Variants in AGBL1 observed in about 807,000 individuals in gnomAD.
AGBL1 encodes the protein AGBL carboxypeptidase 1, also known as cytosolic carboxypeptidase 4.
A neutral mutation model predicts 118.9 loss-of-function variants in AGBL1; 130 were observed. The observed-to-expected ratio is 1.09, with a 90% CI of 0.95 to 1.26. AGBL1 has a LOEUF of 1.26. Among genes scored for constraint, AGBL1 ranks in the 50% most tolerant of loss-of-function variants. The probability of loss-of-function intolerance (pLI) is 0.00; values close to 1 mark genes in which losing one functional copy is unlikely to be tolerated. For synonymous variants in AGBL1, 555 were observed against 478.9 expected, an observed-to-expected ratio of 1.16 and a Z score of -2.08; for missense variants, 1,584 against 1,298.1, an observed-to-expected ratio of 1.22 and a Z score of -3.38.
At chr15:86,877,362 T>G (rs1401225734) in intron 22 of AGBL1, among the ~76,000 whole-genome samples, 1 of 152,194 alleles carries the variant, frequency 6.6e-6, no homozygotes, top group African/African-American at 2.4e-5. Flanking sequence ...CTAAACAGTG[T>G]GTCACTAGTC....
At chr15:86,318,334 C>T (rs1048870625) in intron 17 of AGBL1, among the ~76,000 whole-genome samples, 3 of 152,124 alleles carry the variant, frequency 2.0e-5, no homozygotes, top group African/African-American at 7.2e-5. Context: ...CATTATCCTT[C>T]TCTTCTCTTC....
chr15:86,220,551 G>A (rs748410488), intron 5 of AGBL1, among the ~76,000 whole-genome samples: 12 of 152,134 alleles, frequency 7.9e-5, no homozygotes, highest in African/African-American at 1.7e-4. Context: ...AAATCTTAAC[G>A]AGAGGATATT....
intron 5 of AGBL1, among the ~76,000 whole-genome samples, chr15:86,224,139 A>C (rs1040321664): frequency 6.6e-6 from 1 of 152,218 alleles, no homozygotes; most frequent in African/African-American, 2.4e-5. Flanking sequence ...AGAATCTTCT[A>C]TTTTTTTAAA....
chr15:86,170,938 G>C (rs1318399148), intron 5 of AGBL1, among the ~76,000 whole-genome samples: 1 of 151,756 alleles, frequency 6.6e-6, no homozygotes, highest in African/African-American at 2.4e-5. Context: ...GATGCATTAT[G>C]TACACAGAAA....
intron 22 of AGBL1, among the ~76,000 whole-genome samples, chr15:86,841,468 T>A (rs762890720): frequency 9.2e-5 from 14 of 152,220 alleles, no homozygotes; most frequent in Non-Finnish European, 1.5e-4. Flanking sequence ...GAATGTTTTT[T>A]AATTTATTTT....
chr15:86,418,978 T>C (rs564178860), intron 18 of AGBL1, among the ~76,000 whole-genome samples: 1 of 152,320 alleles, frequency 6.6e-6, no homozygotes, highest in Admixed American at 6.5e-5. Context: ...ATTGACTTAA[T>C]GCTCTGTAGT....
At chr15:86,884,110 C>T (rs2079935280) in intron 22 of AGBL1, among the ~76,000 whole-genome samples, 1 of 152,150 alleles carries the variant, frequency 6.6e-6, no homozygotes. Context: ...ACCTTTTGAC[C>T]TTACTACTAC....
intron 22 of AGBL1, among the ~76,000 whole-genome samples, chr15:86,796,750 T>C (rs1391220494): frequency 6.6e-6 from 1 of 152,234 alleles, no homozygotes; most frequent in Non-Finnish European, 1.5e-5. Flanking sequence ...GTAGCTGCTT[T>C]TGCTCTACAA....
chr15:86,209,544 A>G (rs752917888), intron 5 of AGBL1, among the ~76,000 whole-genome samples: 3 of 151,322 alleles, frequency 2.0e-5, no homozygotes, highest in South Asian at 2.1e-4. Flanking sequence ...CTCTTCTTGT[A>G]TTGATCCCTT....
intron 22 of AGBL1, among the ~76,000 whole-genome samples, chr15:86,874,220 G>T (rs543017945): frequency 6.6e-6 from 1 of 151,964 alleles, no homozygotes; most frequent in Non-Finnish European, 1.5e-5. Context: ...ATTCCACAGG[G>T]CATGGTAACT....
chr15:86,859,171 A>G (rs1296425791), intron 22 of AGBL1, among the ~76,000 whole-genome samples: 2 of 152,200 alleles, frequency 1.3e-5, no homozygotes, highest in African/African-American at 4.8e-5. Flanking sequence ...CAGAGGAACT[A>G]ATATATGAGT....
intron 17 of AGBL1, among the ~76,000 whole-genome samples, chr15:86,319,763 T>G (rs1321066384): frequency 1.7e-3 from 222 of 127,954 alleles, no homozygotes; most frequent in African/African-American, 6.4e-3. Flanking sequence ...TTTTTTTTTT[T>G]TTTTTTTTTT....
chr15:86,644,314 C>A (rs967599006), intron 21 of AGBL1, among the ~76,000 whole-genome samples: 1 of 152,020 alleles, frequency 6.6e-6, no homozygotes, highest in African/African-American at 2.4e-5. Context: ...AAGAGGATTG[C>A]TTGAGGCCAG....
intron 21 of AGBL1, among the ~76,000 whole-genome samples, chr15:86,667,905 T>G (rs143754155): frequency 6.6e-6 from 1 of 152,334 alleles, no homozygotes; most frequent in Non-Finnish European, 1.5e-5. Context: ...AGAGGTTTAT[T>G]TGGCTTACAG....
At chr15:86,526,176 G>C (rs1072288) in intron 19 of AGBL1, among the ~76,000 whole-genome samples, 70,295 of 151,858 alleles carry the variant, frequency 0.46, 16,934 homozygotes, top group East Asian at 0.69. Context: ...ACCACTTTAC[G>C]CCAGTAAGAA....
At chr15:86,402,606 C>T (rs1596071217) in intron 18 of AGBL1, among the ~76,000 whole-genome samples, 1 of 152,134 alleles carries the variant, frequency 6.6e-6, no homozygotes, top group Non-Finnish European at 1.5e-5. Context: ...AGAACCAAAA[C>T]CTGAACTTGG....
At chr15:86,989,404 T>C (rs2081316239) in intron 24 of AGBL1, among the ~76,000 whole-genome samples, 1 of 152,300 alleles carries the variant, frequency 6.6e-6, no homozygotes, top group Non-Finnish European at 1.5e-5. Flanking sequence ...TCTTCTAGTC[T>C]ATGTATGATA....
At chr15:86,528,416 G>A (rs1201053313) in intron 19 of AGBL1, among the ~76,000 whole-genome samples, 1 of 152,120 alleles carries the variant, frequency 6.6e-6, no homozygotes, top group Non-Finnish European at 1.5e-5. Flanking sequence ...AAAAAACGGC[G>A]CACCACGAGA....
At chr15:87,020,503 G>GCAAT (rs908939537) in intron 24 of AGBL1, among the ~76,000 whole-genome samples, 11 of 152,012 alleles carry the variant, frequency 7.2e-5, no homozygotes, top group Middle Eastern at 3.2e-3. Flanking sequence ...TCTGGCCAGG[G>GCAAT]CAATCAGGCA....
Sources: gnomAD v4.1 joint callset for allele counts (sites outside exome capture counted in the v4.1 genomes callset) on GRCh38, gnomAD v4.1.1 for gene constraint, MANE v1.5 for transcripts, NCBI Gene and HGNC (gene_info 2026-07-23, HGNC 2026-07-21) for gene names.